CEP135: variants seen among roughly 807,000 people sequenced by gnomAD.
CEP135 encodes centrosomal protein 135.
In CEP135, 142 loss-of-function variants were observed where a neutral mutation model predicts 157.3. The ratio of observed to expected loss-of-function variants is 0.90; its 90% CI spans 0.79 to 1.04. The LOEUF is 1.04. Ranked by LOEUF, CEP135 falls within the 50% of genes least tolerant of loss-of-function variation. The probability of loss-of-function intolerance (pLI) is 0.00; values close to 1 mark genes in which losing one functional copy is unlikely to be tolerated. For synonymous variants in CEP135, 396 were observed against 439.8 expected (o/e 0.90, Z 1.25); for missense variants, 1,317 against 1,309.2 (o/e 1.01, Z -0.09).
intron 14 of CEP135, among the ~76,000 whole-genome samples, chr4:55,987,341 C>A (rs772404716): frequency 6.6e-6 from 1 of 152,056 alleles, no homozygotes; most frequent in Non-Finnish European, 1.5e-5. Flanking sequence ...TTAAAGGGTA[C>A]CCTTTATAGA....
intron 21 of CEP135, among the ~76,000 whole-genome samples, chr4:56,017,205 G>C (rs983575410): frequency 4.6e-5 from 7 of 151,698 alleles, no homozygotes; most frequent in Non-Finnish European, 2.9e-5. Flanking sequence ...AATTATCCAG[G>C]TATATAGTTT....
Position 55,999,574 on chromosome 4 carries a change from G to A in CEP135, c.2209G>A (p.Asp737Asn). ...CATTGGTGTTATTGATAAAGAAAAA[G>A]ACTTTCTCCAGGAGACTGTAGATGA... is the stretch of plus-strand genomic sequence containing the variant. Reference protein sequence around the residue: ...KTIGVIDKEKDFLQETVDEKT... With the variant: ...KTIGVIDKEKNFLQETVDEKT... Residue 737 changes from aspartate (D) to asparagine (N), a missense_variant, in exon 17 of 26, where the codon GAC becomes AAC. Asp to Asn is a conservative substitution (Grantham distance 23, BLOSUM62 1). Coordinates refer to ENST00000257287, the MANE Select transcript of CEP135 (RefSeq NM_025009.5). 6.2e-7 allele frequency: 1 copy of A among 1,611,308 alleles called. No individual in the cohort carries two copies. Among genetic ancestry groups the A allele is most frequent in the East Asian group, 2.2e-5 (1 of 44,864 alleles).
In CEP135 at chr4:56,011,481, A is replaced by G. The variant is rs1730579492; in HGVS notation, c.2575A>G (p.Ile859Val). The change falls in exon 20 of 26, where the codon ATA becomes GTA. Residue 859 changes from isoleucine to valine, a missense_variant. Transcript: ENST00000257287. ...EEMKSRVHKY[I>V]TEVSRWESLM... ...AATGAAGAGCAGAGTTCATAAATAC[A>G]TAACAGAGGTGTCACGATGGGAGAG... 3 of 1,612,572 alleles carry G rather than the reference A, an allele frequency of 1.9e-6. No homozygotes were observed. Among genetic ancestry groups the G allele is most frequent in the East Asian group, 2.2e-5 (1 of 44,820 alleles).
rs189772201 is a variant in CEP135 at position 55,954,193 on chromosome 4, C to T, written c.305-23C>T. The T allele has an allele frequency of 3.2e-6, 5 of 1,549,616 alleles. No homozygotes were observed. In the African/African-American group the frequency reaches 5.6e-5, roughly 17 times the overall value. ...TGGATTTCTTGATCTTTAAAACGGT[C>T]TTTGAATCTTTTTCATTTTAAGAGT... On this transcript the variant is annotated intron_variant, in intron 3 of 25. Transcript: ENST00000257287.
At chr4:55,997,803 T>A (rs1418531634) in intron 15 of CEP135, among the ~76,000 whole-genome samples, 2 of 152,164 alleles carry the variant, frequency 1.3e-5, no homozygotes, top group Non-Finnish European at 1.5e-5. Context: ...AAAGTACCAC[T>A]CTCTGTTGTT....
Position 56,033,061 on chromosome 4 carries a change from C to T in CEP135, c.*1713C>T, listed in dbSNP as rs1242153997. The stretch of plus-strand genomic sequence containing the variant: ...AATACAAGAGACATGGGACTGTTTG[C>T]AATACCATATGGAAATCTTTTAATA... On this transcript the variant is annotated 3_prime_UTR_variant, in exon 26 of 26. Coordinates refer to ENST00000257287, the MANE Select transcript of CEP135 (RefSeq NM_025009.5). The T allele has an allele frequency of 6.6e-6, 1 of 151,924 alleles. No homozygotes were observed. The highest frequency in any genetic ancestry group is 1.5e-5 in the Non-Finnish European group (1 of 67,972). The allele number at this position is 151,924 out of a possible 1,614,324, so 9.4% of individuals were successfully genotyped here. A position where few individuals can be genotyped will look rare whatever the true frequency, so the allele number is the denominator to read the frequency against.
Position 55,954,243 on chromosome 4 carries a change from C to T in CEP135, c.332C>T (p.Ala111Val). 6.3e-7 allele frequency: 1 copy of T among 1,598,770 alleles called. No homozygotes were observed. The highest frequency in any genetic ancestry group is 8.5e-7 in the Non-Finnish European group (1 of 1,174,078). The change falls in exon 4 of 26, where the codon GCA becomes GTA. Residue 111 changes from alanine (A) to valine (V), a missense_variant. By Grantham distance (64) the Ala-to-Val change is moderately conservative. Transcript: ENST00000257287. ...KELKTSLKKC[A>V]RETADLKFLN... ...TTGAAAACTTCATTGAAGAAATGTG[C>T]ACGTGAAACAGCTGATCTGAAATTT...
intron 15 of CEP135, among the ~76,000 whole-genome samples, chr4:55,994,539 T>A (rs1729902295): frequency 6.6e-6 from 1 of 152,084 alleles, no homozygotes; most frequent in Non-Finnish European, 1.5e-5. Context: ...AGAGTGAGAC[T>A]GTCTCAGATA....
chr4:55,972,328 A>G (rs1311624847), intron 10 of CEP135, among the ~76,000 whole-genome samples: 1 of 152,234 alleles, frequency 6.6e-6, no homozygotes, highest in African/African-American at 2.4e-5. Flanking sequence ...CTAATGGCAC[A>G]TAAATTAAGA....
rs1411642601 is a variant in CEP135 at position 55,999,304 on chromosome 4, T to C, written c.2012T>C (p.Ile671Thr). The change falls in exon 16 of 26, where the codon ATA (isoleucine) becomes ACA (threonine). Residue 671 changes from isoleucine to threonine, a missense_variant and splice_region_variant. By Grantham distance (89) the Ile-to-Thr change is moderately conservative. Coordinates refer to ENST00000257287, the MANE Select transcript of CEP135 (RefSeq NM_025009.5). ...GTTTTTGTCCATTGATTCTTTAGGA[T>C]AGTGAATGAGCAGCTACAGCGGTCA... ...HQKTEVNSLR[I>T]VNEQLQRSVD... 2 of 1,611,538 alleles carry C rather than the reference T, an allele frequency of 1.2e-6. No homozygotes were observed. The highest frequency in any genetic ancestry group is 2.2e-5 in the East Asian group (1 of 44,862).
chr4:55,960,761 C>A (rs1728652097), intron 6 of CEP135: 1 of 151,738 alleles, frequency 6.6e-6, no homozygotes, highest in Non-Finnish European at 1.5e-5. Context: ...CTCATCTCTA[C>A]TAAAAATACA....
intron 15 of CEP135, among the ~76,000 whole-genome samples, chr4:55,993,222 T>G (rs1729853740): frequency 6.6e-6 from 1 of 151,362 alleles, no homozygotes. Context: ...CAAAAGTAAA[T>G]GATGAGAAAA....
Position 56,017,683 on chromosome 4 carries a change from C to G in CEP135, c.2838C>G (p.Ile946Met), listed in dbSNP as rs772433702. The change falls in exon 22 of 26, where the codon ATC becomes ATG. Residue 946 changes from isoleucine to methionine, a missense_variant. Ile to Met is a conservative substitution (Grantham distance 10). Transcript: ENST00000257287. ...INAHHAYESQ[I>M]SSMAKAMSRL... ...CCCATCATGCTTATGAATCTCAGATCTCATCAATGGCAAAAGCCATGTCTC... is the reference window on the plus strand; with the variant it reads ...CCCATCATGCTTATGAATCTCAGATGTCATCAATGGCAAAAGCCATGTCTC... 5 of 1,613,266 alleles carry G rather than the reference C, an allele frequency of 3.1e-6. No homozygotes were observed. The highest frequency in any genetic ancestry group is 4.2e-6 in the Non-Finnish European group (5 of 1,179,814).
At chr4:56,020,009 G>C (rs566379305) in intron 23 of CEP135, among the ~76,000 whole-genome samples, 3 of 152,190 alleles carry the variant, frequency 2.0e-5, no homozygotes, top group African/African-American at 7.2e-5. Flanking sequence ...GAGAAACATC[G>C]TGTTGGGAGG....
chr4:55,957,385 T>G, intron 5 of CEP135, 21 bp downstream of exon 5: 1 of 1,602,526 alleles, frequency 6.2e-7, no homozygotes, highest in Non-Finnish European at 8.5e-7. Flanking sequence ...TAATTCTTTC[T>G]TGGCTTGAGT....
At chr4:55,962,730 C>CT (rs56378859) in intron 6 of CEP135, among the ~76,000 whole-genome samples, 1,996 of 125,314 alleles carry the variant, frequency 0.016, 41 homozygotes, top group Middle Eastern at 0.042. Flanking sequence ...TTTTAAGCCT[C>CT]TTTTTTTTTT....
intron 15 of CEP135, among the ~76,000 whole-genome samples, chr4:55,993,699 C>A (rs1199911639): frequency 6.6e-6 from 1 of 152,148 alleles, no homozygotes; most frequent in Non-Finnish European, 1.5e-5. Flanking sequence ...TTTGTTTTTC[C>A]TTGAGATTAT....
chr4:55,982,754 AT>A (rs978564866), intron 13 of CEP135, among the ~76,000 whole-genome samples: 1 of 152,018 alleles, frequency 6.6e-6, no homozygotes, highest in African/African-American at 2.4e-5. Context: ...GAAAAACAAA[AT>A]TTTTTAATTT....
chr4:55,989,334 C>T (rs1471773562), intron 14 of CEP135, among the ~76,000 whole-genome samples: 1 of 152,070 alleles, frequency 6.6e-6, no homozygotes, highest in Non-Finnish European at 1.5e-5. Flanking sequence ...ACATTTTATA[C>T]CCAATTATTT....
Sources: allele counts gnomAD v4.1 joint callset (sites outside exome capture counted in the v4.1 genomes callset), GRCh38; gene constraint gnomAD v4.1.1; transcripts MANE v1.5; gene names NCBI Gene and HGNC (gene_info 2026-07-23, HGNC 2026-07-21).